CSTF3: variants seen among roughly 807,000 people sequenced by gnomAD.
CSTF3 encodes cleavage stimulation factor subunit 3, also known as CF-1 77 kDa subunit.
In CSTF3, 29 loss-of-function variants were observed where a neutral mutation model predicts 105.8. The observed-to-expected ratio is 0.27, with a 90% CI of 0.20 to 0.37. The LOEUF (loss-of-function observed/expected upper bound fraction) is 0.37. Ranked by LOEUF, CSTF3 falls within the 10% of genes least tolerant of loss-of-function variation. The pLI, the probability that CSTF3 is intolerant of heterozygous loss-of-function variation, is 1.00. For missense variants in CSTF3, 357 were observed against 879.3 expected, an observed-to-expected ratio of 0.41 and a Z score of 7.51; for synonymous variants, 252 against 281.9, an observed-to-expected ratio of 0.89 and a Z score of 1.06.
intron 2 of CSTF3, 44 bp downstream of exon 2, chr11:33,141,841 G>T: frequency 6.4e-7 from 1 of 1,573,538 alleles, no homozygotes; most frequent in Non-Finnish European, 8.6e-7. Flanking sequence ...CAAGTAGTGT[G>T]ATTGGACCCA....
intron 17 of CSTF3, among the ~76,000 whole-genome samples, chr11:33,088,002 AC>A (rs1210603828): frequency 6.6e-6 from 1 of 152,042 alleles, no homozygotes; most frequent in Non-Finnish European, 1.5e-5. Context: ...AAACAAAAGA[AC>A]CCCTTTTTGC....
chr11:33,090,185 C>G (rs1040535796), intron 17 of CSTF3, among the ~76,000 whole-genome samples: 1 of 152,058 alleles, frequency 6.6e-6, no homozygotes, highest in African/African-American at 2.4e-5. Flanking sequence ...TTGATAAGAA[C>G]TATTAGGAAA....
At chr11:33,156,036 T>A (rs1199047087) in intron 1 of CSTF3, among the ~76,000 whole-genome samples, 1 of 152,180 alleles carries the variant, frequency 6.6e-6, no homozygotes, top group African/African-American at 2.4e-5. Context: ...TTCTGCTGTA[T>A]CTCTAAGAAA....
intron 13 of CSTF3, among the ~76,000 whole-genome samples, chr11:33,098,270 C>G (rs1413004159): frequency 1.3e-5 from 2 of 152,118 alleles, no homozygotes; most frequent in African/African-American, 4.8e-5. Context: ...CTAATTTCTT[C>G]CCAGGATGTC....
At chr11:33,139,290 A>G (rs1195908386) in intron 3 of CSTF3, among the ~76,000 whole-genome samples, 2 of 151,962 alleles carry the variant, frequency 1.3e-5, no homozygotes, top group Non-Finnish European at 2.9e-5. Flanking sequence ...GGCTTAGCAG[A>G]ATATAAAGAA....
intron 1 of CSTF3, 69 bp from the exon 2 acceptor site, chr11:33,142,055 A>C: frequency 6.3e-7 from 1 of 1,598,152 alleles, no homozygotes; most frequent in Non-Finnish European, 8.5e-7. Context: ...TTAATTCATG[A>C]ACAATAAAGT....
intron 3 of CSTF3, among the ~76,000 whole-genome samples, chr11:33,130,262 C>G (rs1184509682): frequency 6.6e-6 from 1 of 152,292 alleles, no homozygotes; most frequent in East Asian, 1.9e-4. Context: ...CACCAGAGGT[C>G]AGGAGTTCGA....
At chr11:33,118,681 G>A (rs899645642) in intron 3 of CSTF3, among the ~76,000 whole-genome samples, 16 of 151,140 alleles carry the variant, frequency 1.1e-4, no homozygotes, top group African/African-American at 3.9e-4. Flanking sequence ...TAAGAAATGT[G>A]TACAATCATT....
intron 3 of CSTF3, among the ~76,000 whole-genome samples, chr11:33,122,914 CAAAAAAAAA>C (rs10600978): frequency 2.4e-5 from 2 of 83,840 alleles, no homozygotes; most frequent in Admixed American, 1.4e-4. Flanking sequence ...TATCCTGTCT[CAAAAAAAAA>C]AAAAAAAAAA....
chr11:33,133,781 G>A (rs1855624610), intron 3 of CSTF3, among the ~76,000 whole-genome samples: 1 of 152,216 alleles, frequency 6.6e-6, no homozygotes, highest in Admixed American at 6.5e-5. Flanking sequence ...CTGCACTCAA[G>A]CCTGGGTGAC....
chr11:33,109,209 T>G (rs972730400), intron 3 of CSTF3, among the ~76,000 whole-genome samples: 1 of 152,206 alleles, frequency 6.6e-6, no homozygotes, highest in Non-Finnish European at 1.5e-5. Context: ...TTGAGTATTT[T>G]CATCACAGAG....
At chr11:33,124,607 A>C (rs1041541907) in intron 3 of CSTF3, among the ~76,000 whole-genome samples, 5 of 152,200 alleles carry the variant, frequency 3.3e-5, no homozygotes, top group African/African-American at 1.2e-4. Context: ...GAGTCCTTTC[A>C]CTTATGAAAA....
chr11:33,154,631 G>C (rs750964679), intron 1 of CSTF3, among the ~76,000 whole-genome samples: 1 of 151,134 alleles, frequency 6.6e-6, no homozygotes, highest in Non-Finnish European at 1.5e-5. Flanking sequence ...CAAGTAGCTG[G>C]GATTACAGGT....
chr11:33,103,782 A>T (rs929040817), intron 8 of CSTF3, among the ~76,000 whole-genome samples: 3 of 152,070 alleles, frequency 2.0e-5, no homozygotes, highest in Non-Finnish European at 4.4e-5. Flanking sequence ...AGAAAAAAAA[A>T]ATATGTACAG....
At chr11:33,152,498 C>T (rs12801185) in intron 1 of CSTF3, among the ~76,000 whole-genome samples, 103,451 of 151,886 alleles carry the variant, frequency 0.68, 35,461 homozygotes, top group Non-Finnish European at 0.72. Flanking sequence ...TTTACAAAAA[C>T]TGTATCCTAT....
At chr11:33,148,499 C>A (rs1454984393) in intron 1 of CSTF3, among the ~76,000 whole-genome samples, 3 of 151,032 alleles carry the variant, frequency 2.0e-5, no homozygotes, top group Non-Finnish European at 4.4e-5. Context: ...GAGTTCAAGA[C>A]CAGCCTGACC....
In CSTF3 at chr11:33,152,736, G is replaced by A. The variant is rs982385764; in HGVS notation, c.27+8563C>T. On this transcript the variant is annotated intron_variant, in intron 1 of 20. Transcript: ENST00000323959. ...AGCACTTTGGGAGGCCGAGGTGGGCGGATCACAAGGTCAGGAGTTCGAGAC... is the reference window on the plus strand; with the variant it reads ...AGCACTTTGGGAGGCCGAGGTGGGCAGATCACAAGGTCAGGAGTTCGAGAC... Among the ~76,000 whole-genome samples, 25 of 152,152 alleles carry A rather than the reference G, an allele frequency of 1.6e-4. No individual in the cohort carries two copies. The East Asian group carries it at 2.9e-3, about 18-fold the overall frequency.
intron 3 of CSTF3, among the ~76,000 whole-genome samples, chr11:33,127,534 T>G (rs1339512228): frequency 6.6e-6 from 1 of 152,180 alleles, no homozygotes; most frequent in Non-Finnish European, 1.5e-5. Flanking sequence ...TCATACCACC[T>G]AGGTAGGCAA....
At chr11:33,118,017 T>C (rs944579308) in intron 3 of CSTF3, among the ~76,000 whole-genome samples, 5 of 151,626 alleles carry the variant, frequency 3.3e-5, no homozygotes, top group African/African-American at 1.2e-4. Flanking sequence ...AAGGAGAGAG[T>C]TGGGATTTTT....
Sources: allele counts gnomAD v4.1 joint callset (sites outside exome capture counted in the v4.1 genomes callset), GRCh38; gene constraint gnomAD v4.1.1; transcripts MANE v1.5; gene names NCBI Gene and HGNC (gene_info 2026-07-23, HGNC 2026-07-21).